The following HIF3A variants were observed in gnomAD, a reference collection of about 807,000 sequenced individuals.
HIF3A encodes hypoxia inducible factor 3 subunit alpha.
A neutral mutation model predicts 67.2 loss-of-function variants in HIF3A; 41 were observed. The observed-to-expected ratio is 0.61, with a 90% CI of 0.48 to 0.79. The LOEUF (loss-of-function observed/expected upper bound fraction) is 0.79. HIF3A is among the 30% of genes least tolerant of loss of function. HIF3A has a pLI of 0.00. For missense variants in HIF3A, 855 were observed against 898.0 expected (o/e 0.95, Z 0.61); for synonymous variants, 356 against 374.8 (o/e 0.95, Z 0.58).
intron 10 of HIF3A, among the ~76,000 whole-genome samples, chr19:46,325,260 G>A (rs1970694330): frequency 6.6e-6 from 1 of 151,958 alleles, no homozygotes; most frequent in African/African-American, 2.4e-5. Flanking sequence ...GCCTCCCAAA[G>A]TCCTGGGATT....
intron 8 of HIF3A, among the ~76,000 whole-genome samples, chr19:46,313,702 G>A (rs114281112): frequency 0.024 from 3,147 of 133,278 alleles, 119 homozygotes; most frequent in African/African-American, 0.082. Context: ...TTTTGCCCTC[G>A]TCACTCAGGC....
intron 1 of HIF3A, among the ~76,000 whole-genome samples, chr19:46,301,340 G>T (rs556704753): frequency 6.6e-6 from 1 of 152,258 alleles, no homozygotes; most frequent in Non-Finnish European, 1.5e-5. Flanking sequence ...AATTTAAGAA[G>T]GGACAGTGTC....
At chr19:46,306,928 C>A (rs1968901880) in intron 3 of HIF3A, among the ~76,000 whole-genome samples, 1 of 152,170 alleles carries the variant, frequency 6.6e-6, no homozygotes, top group African/African-American at 2.4e-5. Flanking sequence ...CCCCTCCTCC[C>A]AGCACCACGC....
chr19:46,328,887 A>G (rs1157867722), intron 11 of HIF3A, among the ~76,000 whole-genome samples: 1 of 151,772 alleles, frequency 6.6e-6, no homozygotes. Context: ...TACCTGGCTA[A>G]TTTTTTTCCT....
In HIF3A at chr19:46,339,634, T is replaced by A; in HGVS notation, c.*12T>A. ...CCCAGGCTGACTGAGCCGGCTCCTC[T>A]CCCCATCTGCCTTCTCCTCCCCCAG... On this transcript the variant is annotated 3_prime_UTR_variant, in exon 15 of 15. Transcript: ENST00000377670. The A allele has an allele frequency of 6.3e-7, 1 of 1,577,590 alleles. No homozygotes were observed. Among genetic ancestry groups the A allele is most frequent in the Non-Finnish European group, 8.6e-7 (1 of 1,157,656 alleles).
At chr19:46,317,397 C>G (rs961191735) in intron 8 of HIF3A, among the ~76,000 whole-genome samples, 1 of 152,088 alleles carries the variant, frequency 6.6e-6, no homozygotes, top group Non-Finnish European at 1.5e-5. Context: ...TTCTCAGAGC[C>G]CTTCTGAAGC....
chr19:46,303,921 A>G lies in HIF3A; in HGVS notation c.50A>G (p.Glu17Gly). 6.2e-7 allele frequency: 1 copy of G among 1,608,950 alleles called. No individual in the cohort carries two copies. Residue 17 changes from glutamate to glycine, a missense_variant, in exon 2 of 15, where the codon GAA (glutamate) becomes GGA (glycine). Glu to Gly is a moderately conservative substitution (Grantham distance 98). Around this residue, in one of 3 missense-constraint regions of HIF3A, gnomAD observed 638 missense variants for 660.5 expected, o/e 0.97. Transcript: ENST00000377670. ...RARSTTELRK[E>G]KSRDAARSRR... ...AGGTCGACCACGGAGCTGCGCAAGG[A>G]AAAGTCCCGGGATGCGGCCCGCAGC...
At chr19:46,313,407 G>C in intron 8 of HIF3A, 1 of 630,374 alleles carries the variant, frequency 1.6e-6, no homozygotes, top group Non-Finnish European at 2.0e-6. Flanking sequence ...AGGATTGCTA[G>C]AGCCTGGGGG....
In HIF3A at chr19:46,297,486, AC is replaced by A. The variant is rs1202159749; in HGVS notation, c.26+390del. On this transcript the variant is annotated intron_variant, in intron 1 of 14. Coordinates refer to ENST00000377670, the MANE Select transcript of HIF3A (RefSeq NM_152795.4). This position sits in a 1 kb window ranked among gnomAD's most constrained non-coding sequence, Gnocchi z 4.5. ...ACATATTGATCCCTCTGGCCTCTGA[AC>A]CCCCCAAAATTGAGGGTATTCTTTG... Among the ~76,000 whole-genome samples, 2 of 151,808 alleles carry A rather than the reference AC, an allele frequency of 1.3e-5. No individual in the cohort carries two copies. Among genetic ancestry groups the A allele is most frequent in the Admixed American group, 6.6e-5 (1 of 15,244 alleles).
At position 46,342,400 on chromosome 19, in the gene HIF3A, T is replaced by C. The variant is rs950803676; in HGVS notation, c.*2778T>C. On this transcript the variant is annotated 3_prime_UTR_variant, in exon 15 of 15. Coordinates refer to ENST00000377670, the MANE Select transcript of HIF3A (RefSeq NM_152795.4). ...TTAGGCTTTTGTTTTTCCTTTTTTT[T>C]GTTAAAAAAAAAAAAATAGAGACGG... is the stretch of plus-strand genomic sequence containing the variant. 1 of 141,714 alleles carries C rather than the reference T, an allele frequency of 7.1e-6. No individual in the cohort carries two copies. Among genetic ancestry groups the C allele is most frequent in the Admixed American group, 6.7e-5 (1 of 14,880 alleles). 8.8% of individuals were successfully genotyped at this position (141,714 alleles called of 1,614,324 possible).
At position 46,305,342 on chromosome 19, in the gene HIF3A, C is replaced by T. The variant is rs767533961; in HGVS notation, c.315C>T (p.Asp105=). ...TCATGGTGCTCACCGCCGAGGGAGA[C>T]ATGGCTTACCTGTCGGAGAATGTCA... ...GFVMVLTAEG[D]MAYLSENVSK... The change falls in exon 3 of 15, where the codon GAC becomes GAT. Residue 105 remains aspartate, a synonymous_variant. Coordinates refer to ENST00000377670, the MANE Select transcript of HIF3A (RefSeq NM_152795.4). The T allele has an allele frequency of 1.3e-4, 208 of 1,613,986 alleles. No individual in the cohort carries two copies. The highest frequency in any genetic ancestry group is 1.7e-4 in the Non-Finnish European group (201 of 1,180,026).
chr19:46,308,961 C>T (rs544161324), intron 5 of HIF3A, among the ~76,000 whole-genome samples, 186 bp downstream of exon 5: 7 of 152,056 alleles, frequency 4.6e-5, no homozygotes, highest in Non-Finnish European at 1.0e-4. Context: ...GGACCTGGGG[C>T]TCCTGTAAGC....
At chr19:46,324,985 T>TTGTG (rs542186240) in intron 10 of HIF3A, among the ~76,000 whole-genome samples, 16,270 of 127,776 alleles carry the variant, frequency 0.13, 1,121 homozygotes, top group Middle Eastern at 0.16. Flanking sequence ...CACACATATA[T>TTGTG]TGTGTGTGTG....
chr19:46,302,883 G>GA (rs1968466482), intron 1 of HIF3A, among the ~76,000 whole-genome samples: 1 of 152,120 alleles, frequency 6.6e-6, no homozygotes, highest in African/African-American at 2.4e-5. Context: ...CAAAAGAAAA[G>GA]AAAGAAAAGA....
At chr19:46,307,063 G>A (rs1197330242) in intron 3 of HIF3A, among the ~76,000 whole-genome samples, 1 of 151,406 alleles carries the variant, frequency 6.6e-6, no homozygotes. Context: ...CTTACTCCAG[G>A]GGGCCATAAG....
intron 11 of HIF3A, among the ~76,000 whole-genome samples, chr19:46,326,331 G>A (rs942976107): frequency 2.0e-5 from 3 of 152,232 alleles, no homozygotes; most frequent in Non-Finnish European, 4.4e-5. Context: ...GAAGTAGAGA[G>A]ATAGAAAGTA....
intron 14 of HIF3A, 76 bp from the exon 15 acceptor site, chr19:46,339,449 A>G (rs1002469839): frequency 1.1e-6 from 1 of 920,134 alleles, no homozygotes. Context: ...TATTCCTGAC[A>G]TTGGGGTTAT....
rs903123393 is a variant in HIF3A, at chr19:46,340,739, G to C, written c.*1117G>C. 6.6e-6 allele frequency: 1 copy of C among 152,242 alleles called. No homozygotes were observed. The highest frequency in any genetic ancestry group is 2.4e-5 in the African/African-American group (1 of 41,434). 9.4% of individuals were successfully genotyped at this position (152,242 alleles called of 1,614,324 possible). ...TGGTCTCGAACTCCTGACCTCAAGT[G>C]CTCCACCTGCCTCAGCCTTCCAAAG... On this transcript the variant is annotated 3_prime_UTR_variant, in exon 15 of 15. Transcript: ENST00000377670.
At chr19:46,330,969 G>A (rs1459622402) in intron 12 of HIF3A, among the ~76,000 whole-genome samples, 187 bp from the exon 13 acceptor site, 3 of 151,658 alleles carry the variant, frequency 2.0e-5, no homozygotes, top group African/African-American at 7.3e-5. Flanking sequence ...GGTTGGGTGG[G>A]TGGGTGATGG....
Sources: allele counts gnomAD v4.1 joint callset (sites outside exome capture counted in the v4.1 genomes callset), GRCh38; gene constraint gnomAD v4.1.1; regional missense constraint gnomAD v4.1.1; non-coding constraint Gnocchi (gnomAD v3.1); transcripts MANE v1.5; gene names NCBI Gene and HGNC (gene_info 2026-07-23, HGNC 2026-07-21).